Variants in PLCB4 observed in about 807,000 individuals in gnomAD.
PLCB4 encodes the protein 1-phosphatidylinositol 4,5-bisphosphate phosphodiesterase beta-4.
A neutral mutation model predicts 178.8 loss-of-function variants in PLCB4; 77 were observed. The ratio of observed to expected loss-of-function variants is 0.43; its 90% CI spans 0.36 to 0.52. The LOEUF (loss-of-function observed/expected upper bound fraction) is 0.52, where lower values mean the gene tolerates loss of function less well. Among genes scored for constraint, PLCB4 ranks in the 20% least tolerant of loss-of-function variants. PLCB4 has a pLI of 0.00. For synonymous variants in PLCB4, 496 were observed against 490.8 expected (o/e 1.01, Z -0.14); for missense variants, 1,024 against 1,453.4 (o/e 0.70, Z 4.80).
At chr20:9,282,347 G>A (rs1303801934) in intron 3 of PLCB4, among the ~76,000 whole-genome samples, 1 of 151,940 alleles carries the variant, frequency 6.6e-6, no homozygotes, top group Non-Finnish European at 1.5e-5. Flanking sequence ...CAATAAGGTT[G>A]ACGTATTTGT....
At chr20:9,108,466 G>T (rs1568764298) in intron 2 of PLCB4, among the ~76,000 whole-genome samples, 1 of 152,024 alleles carries the variant, frequency 6.6e-6, no homozygotes, top group African/African-American at 2.4e-5. Context: ...AATCAGAGGG[G>T]CTGTCAAAGA....
intron 9 of PLCB4, among the ~76,000 whole-genome samples, chr20:9,370,571 G>A (rs1166925060): frequency 2.0e-5 from 3 of 152,036 alleles, no homozygotes; most frequent in South Asian, 2.1e-4. Flanking sequence ...TCATAAGAAG[G>A]CAATTTGGTA....
chr20:9,458,787 C>T (rs997519112), intron 34 of PLCB4, among the ~76,000 whole-genome samples: 11 of 152,124 alleles, frequency 7.2e-5, no homozygotes, highest in Non-Finnish European at 5.9e-5. Flanking sequence ...CACAGGTCAC[C>T]CAGCTTCAAG....
chr20:9,449,420 T>C (rs1392300883), intron 32 of PLCB4, among the ~76,000 whole-genome samples: 1 of 152,142 alleles, frequency 6.6e-6, no homozygotes, highest in Non-Finnish European at 1.5e-5. Flanking sequence ...CCATAAAAGC[T>C]GGGAGCACTC....
intron 30 of PLCB4, 49 bp from the exon 31 acceptor site, chr20:9,443,932 T>C (rs2042253795): frequency 2.9e-6 from 3 of 1,042,678 alleles, no homozygotes; most frequent in Non-Finnish European, 4.4e-6. Context: ...CCAGTTATTC[T>C]CTCTGATTTT....
In PLCB4 at chr20:9,476,714, C is replaced by G; in HGVS notation, c.3496-3C>G. 1 of 1,602,510 alleles carries G rather than the reference C, an allele frequency of 6.2e-7. No homozygotes were observed. ...TTTGACATTACTATTTTTGTACAAA[C>G]AGCTTTTGAAATCCTGTCATGCAGT... On this transcript the variant is annotated splice_region_variant and splice_polypyrimidine_tract_variant and intron_variant, in intron 38 of 39. Coordinates refer to ENST00000378473, the MANE Select transcript of PLCB4 (RefSeq NM_001377142.1).
chr20:9,111,242 C>T (rs929163231), intron 2 of PLCB4, among the ~76,000 whole-genome samples: 1 of 152,100 alleles, frequency 6.6e-6, no homozygotes. Flanking sequence ...TGGCTTTGGC[C>T]CTGCACCCAC....
At chr20:9,312,923 C>G (rs1367147729) in intron 4 of PLCB4, among the ~76,000 whole-genome samples, 1 of 152,166 alleles carries the variant, frequency 6.6e-6, no homozygotes, top group African/African-American at 2.4e-5. Context: ...TATAGAATAA[C>G]AGCAGAAAAA....
intron 2 of PLCB4, among the ~76,000 whole-genome samples, chr20:9,155,401 A>G (rs963292237): frequency 2.0e-5 from 3 of 151,992 alleles, no homozygotes. Flanking sequence ...AATTGTGAAG[A>G]CTCAATTCTT....
rs143355718 is a variant in PLCB4, at chr20:9,194,718, A to ACCTTTTTT, written c.-78-22671_-78-22664dup. ...AAAAAAAAAAAAAAAAAAAAAAAGA[A>ACCTTTTTT]CCTTTTTTTAATTTCCTTACTTCAA... On this transcript the variant is annotated intron_variant, in intron 2 of 39. Coordinates refer to ENST00000378473, the MANE Select transcript of PLCB4 (RefSeq NM_001377142.1). Among the ~76,000 whole-genome samples the ACCTTTTTT allele has an allele frequency of 9.2e-3, 1,392 of 150,614 alleles. 29 individuals carry two copies. Among genetic ancestry groups the ACCTTTTTT allele is most frequent in the African/African-American group, 0.032 (1,318 of 40,760 alleles).
intron 35 of PLCB4, among the ~76,000 whole-genome samples, chr20:9,465,641 C>G (rs573597595): frequency 2.6e-5 from 4 of 152,278 alleles, no homozygotes; most frequent in African/African-American, 9.6e-5. Flanking sequence ...ACACCAATGA[C>G]AGACAACCAG....
intron 3 of PLCB4, among the ~76,000 whole-genome samples, chr20:9,270,765 A>G (rs1239545522): frequency 2.0e-5 from 3 of 152,104 alleles, no homozygotes; most frequent in Non-Finnish European, 4.4e-5. Context: ...TAATATATAG[A>G]TCAAGTATGC....
intron 1 of PLCB4, among the ~76,000 whole-genome samples, chr20:9,070,568 T>G (rs2089518631): frequency 6.6e-6 from 1 of 152,230 alleles, no homozygotes; most frequent in Non-Finnish European, 1.5e-5. Context: ...GCTGGTGTAT[T>G]GATCTATTAT....
At chr20:9,359,566 C>T (rs1005495644) in intron 7 of PLCB4, among the ~76,000 whole-genome samples, 15 of 152,288 alleles carry the variant, frequency 9.8e-5, no homozygotes, top group African/African-American at 2.9e-4. Context: ...ACATCAGAGC[C>T]GACCTCCTGT....
intron 2 of PLCB4, among the ~76,000 whole-genome samples, chr20:9,142,661 A>G (rs914221770): frequency 6.6e-6 from 1 of 152,172 alleles, no homozygotes; most frequent in South Asian, 2.1e-4. Flanking sequence ...TATTGCTGGT[A>G]TCACTACCTT....
chr20:9,319,736 C>G (rs969949570), intron 4 of PLCB4, among the ~76,000 whole-genome samples: 1 of 152,296 alleles, frequency 6.6e-6, no homozygotes, highest in South Asian at 2.1e-4. Context: ...GGATGGTGCC[C>G]TCCTGTATTC....
intron 5 of PLCB4, 98 bp downstream of exon 5, chr20:9,337,304 TTATTCA>T: frequency 1.3e-6 from 1 of 799,050 alleles, no homozygotes; most frequent in Non-Finnish European, 2.2e-6. Context: ...AACCCTACCC[TTATTCA>T]TTCATTCAAG....
intron 4 of PLCB4, among the ~76,000 whole-genome samples, chr20:9,320,396 GC>G (rs761559612): frequency 2.0e-4 from 31 of 152,146 alleles, no homozygotes; most frequent in Non-Finnish European, 2.4e-4. Flanking sequence ...CTTTCTTCTA[GC>G]CATCCTAGTT....
At chr20:9,286,761 A>G (rs7264153) in intron 3 of PLCB4, among the ~76,000 whole-genome samples, 225 of 152,142 alleles carry the variant, frequency 1.5e-3, no homozygotes, top group Non-Finnish European at 1.4e-3. Context: ...GTCTACAGAG[A>G]ACTAATGAAC....
Sources: allele counts gnomAD v4.1 joint callset (sites outside exome capture counted in the v4.1 genomes callset), GRCh38; gene constraint gnomAD v4.1.1; transcripts MANE v1.5; gene names NCBI Gene and HGNC (gene_info 2026-07-23, HGNC 2026-07-21).